DLG2: variants seen among roughly 807,000 people sequenced by gnomAD.
DLG2 encodes the protein disks large homolog 2.
In DLG2, 45 loss-of-function variants were observed where a neutral mutation model predicts 132.5. That is an observed-to-expected ratio of 0.34 (90% CI 0.27 to 0.44). The LOEUF is 0.44. Among genes scored for constraint, DLG2 ranks in the 20% least tolerant of loss-of-function variants. The probability of loss-of-function intolerance (pLI) is 1.00; values close to 1 mark genes in which losing one functional copy is unlikely to be tolerated. For missense variants in DLG2, 1,045 were observed against 1,196.9 expected (o/e 0.87, Z 1.87); for synonymous variants, 424 against 419.6 (o/e 1.01, Z -0.13).
At chr11:83,782,937 T>G (rs1301732005) in intron 18 of DLG2, among the ~76,000 whole-genome samples, 1 of 152,180 alleles carries the variant, frequency 6.6e-6, no homozygotes, top group Non-Finnish European at 1.5e-5. Context: ...TTACAGCAAC[T>G]TCACTAACTG....
chr11:84,193,391 G>C (rs1321407147), intron 8 of DLG2, among the ~76,000 whole-genome samples: 3 of 152,186 alleles, frequency 2.0e-5, no homozygotes, highest in Non-Finnish European at 4.4e-5. Flanking sequence ...GATGGGAAGT[G>C]TATGGTGATA....
At chr11:85,573,814 A>G (rs887549521) in intron 3 of DLG2, among the ~76,000 whole-genome samples, 1 of 152,216 alleles carries the variant, frequency 6.6e-6, no homozygotes, top group African/African-American at 2.4e-5. Flanking sequence ...TGATAAATCA[A>G]TTCCAGAAGA....
intron 21 of DLG2, among the ~76,000 whole-genome samples, chr11:83,493,424 G>C (rs1459307499): frequency 1.4e-5 from 2 of 142,652 alleles, no homozygotes; most frequent in Admixed American, 7.3e-5. Flanking sequence ...ATCACCATCT[G>C]CCTGCATACA....
chr11:84,820,897 G>C lies in DLG2; in HGVS notation c.358-286166C>G, dbSNP rs1054329044. Among the ~76,000 whole-genome samples, 4 of 151,902 alleles carry C rather than the reference G, an allele frequency of 2.6e-5. No individual in the cohort carries two copies. The East Asian group carries it at 7.8e-4, about 30-fold the overall frequency. On this transcript the variant is annotated intron_variant, in intron 6 of 27. Coordinates refer to ENST00000376104, the MANE Select transcript of DLG2 (RefSeq NM_001142699.3). ...ATAGTCTGTGAATTTAGCAAGGGCT[G>C]AGTTCTTTCTCATTCTACTTTGTGT...
At chr11:85,450,284 C>T (rs994776027) in intron 3 of DLG2, among the ~76,000 whole-genome samples, 4 of 152,156 alleles carry the variant, frequency 2.6e-5, no homozygotes, top group African/African-American at 4.8e-5. Flanking sequence ...CGTTATTTGA[C>T]AGGGAGACAT....
At position 84,551,492 on chromosome 11, in the gene DLG2, C is replaced by T. The variant is rs867736015; in HGVS notation, c.358-16761G>A. On this transcript the variant is annotated intron_variant, in intron 6 of 27. Transcript: ENST00000376104. ...TTTCAGATTACTGCCTGTGACATGA[C>T]GTGCATATGTATTAATGCTTTACAA... is the stretch of plus-strand genomic sequence containing the variant. Among the ~76,000 whole-genome samples the T allele has an allele frequency of 1.4e-4, 22 of 152,254 alleles. No homozygotes were observed. In the East Asian group the frequency reaches 2.5e-3, roughly 17 times the overall value.
At chr11:84,751,562 T>C (rs952247957) in intron 6 of DLG2, among the ~76,000 whole-genome samples, 4 of 152,126 alleles carry the variant, frequency 2.6e-5, no homozygotes, top group Non-Finnish European at 5.9e-5. Context: ...ACAGCCACAA[T>C]TTCCTGGGCA....
At chr11:85,361,249 T>C (rs1165634318) in intron 3 of DLG2, among the ~76,000 whole-genome samples, 3 of 151,898 alleles carry the variant, frequency 2.0e-5, no homozygotes, top group African/African-American at 7.3e-5. Flanking sequence ...TCCGCCTCCC[T>C]GGTTCAAGCA....
chr11:84,738,443 T>C (rs898701408), intron 6 of DLG2, among the ~76,000 whole-genome samples: 9 of 152,166 alleles, frequency 5.9e-5, no homozygotes, highest in Non-Finnish European at 1.3e-4. Context: ...ACAATATGTA[T>C]GGTTCTTACA....
intron 12 of DLG2, among the ~76,000 whole-genome samples, chr11:83,978,968 G>A (rs1033824672): frequency 7.9e-5 from 12 of 152,142 alleles, no homozygotes; most frequent in South Asian, 2.1e-4. Context: ...ATGACTATGG[G>A]CAAGTCAGAA....
At chr11:84,807,832 G>A (rs2076166218) in intron 6 of DLG2, among the ~76,000 whole-genome samples, 1 of 152,130 alleles carries the variant, frequency 6.6e-6, no homozygotes, top group African/African-American at 2.4e-5. Flanking sequence ...GTACAAATAA[G>A]AGTTGTAAAA....
intron 6 of DLG2, among the ~76,000 whole-genome samples, chr11:84,554,390 T>G (rs1352206637): frequency 6.6e-6 from 1 of 152,128 alleles, no homozygotes; most frequent in Non-Finnish European, 1.5e-5. Flanking sequence ...ACAAGCAAGA[T>G]AGGCAGTATT....
rs2091824815 is a variant in DLG2, at chr11:83,735,846, C to T, written c.1825+50844G>A. On this transcript the variant is annotated intron_variant, in intron 18 of 27. Transcript: ENST00000376104. ...TCTGCTTATTTAACAGATGAAAAGA[C>T]AGGTCCAGGGAAATGAACTGACTAA... Among the ~76,000 whole-genome samples, 3 of 152,280 alleles carry T rather than the reference C, an allele frequency of 2.0e-5. No individual in the cohort carries two copies. The South Asian group carries it at 6.2e-4, about 32-fold the overall frequency.
chr11:84,088,271 G>A (rs1352559138), intron 10 of DLG2, among the ~76,000 whole-genome samples: 1 of 151,708 alleles, frequency 6.6e-6, no homozygotes, highest in Admixed American at 6.6e-5. Flanking sequence ...CTTACATGTA[G>A]GTCTATGATC....
At chr11:84,392,237 C>T (rs947780765) in intron 7 of DLG2, among the ~76,000 whole-genome samples, 2 of 152,222 alleles carry the variant, frequency 1.3e-5, no homozygotes, top group East Asian at 1.9e-4. Flanking sequence ...TTGTTTTCCC[C>T]GCTAGCGTGC....
chr11:85,444,925 A>C (rs1006675733), intron 3 of DLG2, among the ~76,000 whole-genome samples: 1 of 152,236 alleles, frequency 6.6e-6, no homozygotes, highest in Non-Finnish European at 1.5e-5. Context: ...TGCTGAGAAG[A>C]TTTATAACTT....
chr11:84,242,537 C>A (rs983840791), intron 8 of DLG2, among the ~76,000 whole-genome samples: 1 of 152,022 alleles, frequency 6.6e-6, no homozygotes, highest in African/African-American at 2.4e-5. Context: ...TCCCAAGTAG[C>A]TGGGATTACA....
intron 20 of DLG2, among the ~76,000 whole-genome samples, chr11:83,533,078 C>G (rs1030241256): frequency 2.0e-5 from 3 of 152,040 alleles, no homozygotes; most frequent in Non-Finnish European, 2.9e-5. Flanking sequence ...ATAATTAAAT[C>G]AAAATCTATT....
chr11:84,936,105 T>C (rs1447212088), intron 6 of DLG2, among the ~76,000 whole-genome samples: 3 of 152,178 alleles, frequency 2.0e-5, no homozygotes, highest in Non-Finnish European at 4.4e-5. Context: ...AAAAGTAAAT[T>C]AACGGATGAA....
Sources: allele counts gnomAD v4.1 joint callset (sites outside exome capture counted in the v4.1 genomes callset), GRCh38; gene constraint gnomAD v4.1.1; transcripts MANE v1.5; gene names NCBI Gene and HGNC (gene_info 2026-07-23, HGNC 2026-07-21).